The following ARID1B variants were observed in gnomAD, a reference collection of about 807,000 sequenced individuals.
ARID1B encodes the protein AT-rich interaction domain 1B, also known as AT-rich interactive domain-containing protein 1B.
A neutral mutation model predicts 212.3 loss-of-function variants in ARID1B; 30 were observed. The ratio of observed to expected loss-of-function variants is 0.14; its 90% CI spans 0.11 to 0.19. The LOEUF (loss-of-function observed/expected upper bound fraction) is 0.19, where lower values mean the gene tolerates loss of function less well. Among genes scored for constraint, ARID1B ranks in the 10% least tolerant of loss-of-function variants. The probability of loss-of-function intolerance (pLI) is 1.00; values close to 1 mark genes in which losing one functional copy is unlikely to be tolerated. For missense variants in ARID1B, 2,891 were observed against 3,204.0 expected (o/e 0.90, Z 2.36); for synonymous variants, 1,402 against 1,301.7 (o/e 1.08, Z -1.66).
Position 156,779,320 on chromosome 6 carries a change from C to A in ARID1B, c.1640C>A (p.Ala547Glu). The A allele has an allele frequency of 1.8e-6, 2 of 1,138,550 alleles. No individual in the cohort carries two copies. Among genetic ancestry groups the A allele is most frequent in the Non-Finnish European group, 1.1e-6 (1 of 930,170 alleles). 70.5% of individuals were successfully genotyped at this position (1,138,550 alleles called of 1,614,324 possible). A position where few individuals can be genotyped will look rare whatever the true frequency, so the allele number is the denominator to read the frequency against. Residue 547 changes from alanine to glutamate, a missense_variant, in exon 1 of 20, where the codon GCG (alanine) becomes GAG (glutamate). Coordinates refer to ENST00000636930, the MANE Select transcript of ARID1B (RefSeq NM_001374828.1). ...QSQAAAAGAAAGGQQAAAGMG... is the reference protein window; with the variant it reads ...QSQAAAAGAAEGGQQAAAGMG... ...CAGGCGGCGGCGGCGGGGGCGGCGG[C>A]GGGCGGCCAGCAGGCGGCCGCGGGC... is the stretch of plus-strand genomic sequence containing the variant.
chr6:157,125,594 C>T (rs1788080110), intron 6 of ARID1B, among the ~76,000 whole-genome samples: 1 of 152,204 alleles, frequency 6.6e-6, no homozygotes, highest in African/African-American at 2.4e-5. Flanking sequence ...TAGGTCTCAG[C>T]TGAAATGTGA....
Position 156,778,945 on chromosome 6 carries a change from T to TGGCGGC in ARID1B, c.1272_1277dup (p.Ala432_Ala433dup), listed in dbSNP as rs765410747. The stretch of plus-strand genomic sequence containing the variant: ...GCAGGAGGAGCAGGAGCGGGAGCTG[T>TGGCGGC]GGCGGCGGCGGCCGCGGCGGCGGCG... On this transcript the variant is annotated inframe_insertion, in exon 1 of 20. Coordinates refer to ENST00000636930, the MANE Select transcript of ARID1B (RefSeq NM_001374828.1). The TGGCGGC allele has an allele frequency of 2.6e-5, 33 of 1,277,244 alleles. No individual in the cohort carries two copies. Among genetic ancestry groups the TGGCGGC allele is most frequent in the African/African-American group, 1.3e-4 (8 of 59,270 alleles). The allele number at this position is 1,277,244 out of a possible 1,614,324, so 79.1% of individuals were successfully genotyped here. A position where few individuals can be genotyped will look rare whatever the true frequency, so the allele number is the denominator to read the frequency against.
intron 2 of ARID1B, among the ~76,000 whole-genome samples, chr6:156,855,448 A>AG (rs1273073796): frequency 6.6e-6 from 1 of 152,224 alleles, no homozygotes. Flanking sequence ...AAAACACTGC[A>AG]GGCCCGTCCA....
At chr6:157,156,767 G>T (rs1438093170) in intron 8 of ARID1B, among the ~76,000 whole-genome samples, 1 of 152,154 alleles carries the variant, frequency 6.6e-6, no homozygotes, top group Non-Finnish European at 1.5e-5. Context: ...CAGGTCTGAG[G>T]GGGGCCTCAG....
At chr6:157,091,993 G>C (rs1436668758) in intron 5 of ARID1B, among the ~76,000 whole-genome samples, 1 of 152,120 alleles carries the variant, frequency 6.6e-6, no homozygotes, top group Non-Finnish European at 1.5e-5. Context: ...TCCTGCAACA[G>C]CTTGTTGCAA....
chr6:156,904,373 A>AT (rs1199029807), intron 3 of ARID1B, among the ~76,000 whole-genome samples: 1 of 152,248 alleles, frequency 6.6e-6, no homozygotes, highest in Non-Finnish European at 1.5e-5. Flanking sequence ...ACCATGATAT[A>AT]TTTAACCAGT....
chr6:156,864,611 G>A lies in ARID1B; in HGVS notation c.1986+35190G>A, dbSNP rs113102033. The stretch of plus-strand genomic sequence containing the variant: ...AGCCCATGCCCACGTCCCCAGAGGC[G>A]TCCACTTTCAACCCTTGTAGCTGCT... On this transcript the variant is annotated intron_variant, in intron 2 of 19. Coordinates refer to ENST00000636930, the MANE Select transcript of ARID1B (RefSeq NM_001374828.1). Among the ~76,000 whole-genome samples the A allele has an allele frequency of 3.3e-3, 499 of 152,280 alleles. 4 individuals are homozygous for A. The highest frequency in any genetic ancestry group is 0.012 in the African/African-American group (481 of 41,542).
At chr6:156,931,015 C>A (rs923764537) in intron 3 of ARID1B, among the ~76,000 whole-genome samples, 1 of 151,844 alleles carries the variant, frequency 6.6e-6, no homozygotes, top group Non-Finnish European at 1.5e-5. Context: ...ACAGTGAAAC[C>A]CCATCTCTAC....
chr6:156,856,698 TCTCACACACA>T (rs1364052542), intron 2 of ARID1B, among the ~76,000 whole-genome samples: 21 of 85,608 alleles, frequency 2.5e-4, no homozygotes, highest in South Asian at 9.7e-4. Flanking sequence ...TCTCTCTCTC[TCTCACACACA>T]CACACACACA....
intron 3 of ARID1B, among the ~76,000 whole-genome samples, chr6:156,931,060 CAT>C (rs1562491990): frequency 3.3e-5 from 5 of 151,954 alleles, no homozygotes; most frequent in East Asian, 1.9e-4. Flanking sequence ...TGTGGTGGCA[CAT>C]GCCTGTAGTC....
intron 2 of ARID1B, among the ~76,000 whole-genome samples, chr6:156,842,029 G>T (rs116856799): frequency 6.6e-6 from 1 of 152,076 alleles, no homozygotes; most frequent in African/African-American, 2.4e-5. Context: ...TTGAATATTC[G>T]TTTCACGTAA....
intron 6 of ARID1B, chr6:157,111,402 G>A (rs1271331095): frequency 6.6e-6 from 1 of 152,180 alleles, no homozygotes; most frequent in Non-Finnish European, 1.5e-5. Flanking sequence ...CCCCTGGTGC[G>A]GTGGCAGGTC....
chr6:157,123,794 T>C (rs1437503015), intron 6 of ARID1B, among the ~76,000 whole-genome samples: 7 of 152,398 alleles, frequency 4.6e-5, no homozygotes, highest in South Asian at 2.1e-4. Flanking sequence ...CTGAGCTGTG[T>C]GCTTTACACA....
chr6:157,137,173 C>T (rs1788983155), intron 7 of ARID1B, among the ~76,000 whole-genome samples: 1 of 151,222 alleles, frequency 6.6e-6, no homozygotes, highest in African/African-American at 2.4e-5. Flanking sequence ...AAAGTGAGAC[C>T]CTGTCGCAAA....
At position 157,174,048 on chromosome 6, in the gene ARID1B, C is replaced by G; in HGVS notation, c.3276C>G (p.Ser1092=). The G allele has an allele frequency of 6.2e-7, 1 of 1,614,096 alleles. No individual in the cohort carries two copies. Among genetic ancestry groups the G allele is most frequent in the Non-Finnish European group, 8.5e-7 (1 of 1,180,018 alleles). Residue 1092 remains serine (S), a synonymous_variant, in exon 10 of 20, where the codon TCC becomes TCG. Transcript: ENST00000636930. ...GLADMMSPGE[S]KLPLPLKADG... Reference sequence around the variant, plus strand: ...CAGATATGATGTCTCCTGGTGAATCCAAACTGCCCCTGCCTCTCAAAGCAG... The same window carrying G: ...CAGATATGATGTCTCCTGGTGAATCGAAACTGCCCCTGCCTCTCAAAGCAG...
At chr6:156,893,275 C>T (rs576982500) in intron 2 of ARID1B, among the ~76,000 whole-genome samples, 1 of 152,140 alleles carries the variant, frequency 6.6e-6, no homozygotes, top group Non-Finnish European at 1.5e-5. Flanking sequence ...ATCCACTCGC[C>T]TCGGCCGTCC....
intron 4 of ARID1B, among the ~76,000 whole-genome samples, chr6:156,983,078 G>C (rs143135549): frequency 1.8e-4 from 27 of 150,628 alleles, no homozygotes; most frequent in African/African-American, 5.6e-4. Flanking sequence ...CCGGGCAACA[G>C]AGTGAGACCC....
At chr6:157,170,697 G>C (rs1444213441) in intron 9 of ARID1B, among the ~76,000 whole-genome samples, 3 of 152,184 alleles carry the variant, frequency 2.0e-5, no homozygotes, top group African/African-American at 7.2e-5. Context: ...ACAGTGGGGA[G>C]GGGGCGCTGA....
chr6:156,849,616 A>G (rs1784452025), intron 2 of ARID1B, among the ~76,000 whole-genome samples: 1 of 152,256 alleles, frequency 6.6e-6, no homozygotes, highest in Admixed American at 6.5e-5. Context: ...TTTCTGTCCC[A>G]GAGAGCAGAC....
Sources: gnomAD v4.1 joint callset for allele counts (sites outside exome capture counted in the v4.1 genomes callset) on GRCh38, gnomAD v4.1.1 for gene constraint, MANE v1.5 for transcripts, NCBI Gene and HGNC (gene_info 2026-07-23, HGNC 2026-07-21) for gene names.